COL5A2: variants seen among roughly 807,000 people sequenced by gnomAD.
COL5A2 encodes the protein collagen type V alpha 2 chain.
A neutral mutation model predicts 208.2 loss-of-function variants in COL5A2; 23 were observed. That is an observed-to-expected ratio of 0.11 (90% confidence interval 0.08 to 0.16). COL5A2 has a LOEUF of 0.16. COL5A2 is among the 10% of genes least tolerant of loss of function. COL5A2 has a pLI of 1.00. For synonymous variants in COL5A2, 625 were observed against 628.5 expected (o/e 0.99, Z 0.08); for missense variants, 1,590 against 1,956.4 (o/e 0.81, Z 3.53).
At chr2:189,415,827 T>A in the COL5A2 span, among the ~76,000 whole-genome samples, 4 of 151,992 alleles carry the variant, frequency 2.6e-5, no homozygotes, top group East Asian at 7.7e-4. Context: ...ACCCAGCTAA[T>A]TTTTTTGTAT....
chr2:189,400,358 T>C, the COL5A2 span, among the ~76,000 whole-genome samples: 1 of 152,216 alleles, frequency 6.6e-6, no homozygotes, highest in Non-Finnish European at 1.5e-5. Context: ...CTTTTCTACA[T>C]GTTTCTTTTA....
At chr2:189,253,531 G>A in the COL5A2 span, among the ~76,000 whole-genome samples, 3 of 152,236 alleles carry the variant, frequency 2.0e-5, no homozygotes, top group Non-Finnish European at 4.4e-5. Flanking sequence ...AGCTTTGTGT[G>A]TCTTCGAATT....
intron 1 of COL5A2, among the ~76,000 whole-genome samples, chr2:189,151,372 T>C (rs1688138255): frequency 6.6e-6 from 1 of 152,122 alleles, no homozygotes; most frequent in Non-Finnish European, 1.5e-5. Context: ...TAATGACAAA[T>C]GAAGCAATCT....
At chr2:189,413,881 TC>T in the COL5A2 span, among the ~76,000 whole-genome samples, 1 of 132,972 alleles carries the variant, frequency 7.5e-6, no homozygotes, top group African/African-American at 2.7e-5. Flanking sequence ...AACCTCCGCA[TC>T]CCGGGTTCAA....
At chr2:189,423,876 T>C in the COL5A2 span, among the ~76,000 whole-genome samples, 1 of 150,950 alleles carries the variant, frequency 6.6e-6, no homozygotes, top group East Asian at 1.9e-4. Flanking sequence ...GAGACTAGCA[T>C]ACCAAATCAG....
the COL5A2 span, among the ~76,000 whole-genome samples, chr2:189,384,600 T>G: frequency 6.6e-6 from 1 of 152,154 alleles, no homozygotes; most frequent in Non-Finnish European, 1.5e-5. Context: ...AATCAGGTAT[T>G]TTTTTGCTAT....
rs575752358 is a variant in COL5A2, at chr2:189,151,905, A to G, written c.97+27603T>C. Among the ~76,000 whole-genome samples the G allele has an allele frequency of 3.5e-4, 53 of 152,328 alleles. No individual in the cohort carries two copies. The South Asian group carries it at 0.011, about 31-fold the overall frequency. Reference sequence around the variant, plus strand: ...CACATAACTATAGAGTTCACTTCAAAGTGTACTGTTGGGTCTAAGACCCCA... The same window carrying G: ...CACATAACTATAGAGTTCACTTCAAGGTGTACTGTTGGGTCTAAGACCCCA... On this transcript the variant is annotated intron_variant, in intron 1 of 53. Coordinates refer to ENST00000374866, the MANE Select transcript of COL5A2 (RefSeq NM_000393.5).
chr2:189,395,189 T>C, the COL5A2 span, among the ~76,000 whole-genome samples: 405 of 152,356 alleles, frequency 2.7e-3, no homozygotes, highest in African/African-American at 9.2e-3. Context: ...AATTTCTGTG[T>C]CACACTTTAT....
chr2:189,133,294 TA>T (rs1168177777), intron 1 of COL5A2, among the ~76,000 whole-genome samples: 5 of 52,372 alleles, frequency 9.5e-5, no homozygotes, highest in Non-Finnish European at 3.5e-4. Context: ...TAATTTTTTG[TA>T]TTTTTAGTAG....
chr2:189,043,275 G>A lies in COL5A2; in HGVS notation c.3364-17C>T, dbSNP rs201720941. The A allele has an allele frequency of 6.1e-4, 952 of 1,565,118 alleles. 3 individuals are homozygous for A. The Middle Eastern group carries it at 0.011, about 18-fold the overall frequency. On this transcript the variant is annotated splice_polypyrimidine_tract_variant and intron_variant, in intron 47 of 53. Coordinates refer to ENST00000374866, the MANE Select transcript of COL5A2 (RefSeq NM_000393.5). ...TTGGGGTCCCTAGAAATAGAGATAT[G>A]GCATGAAAATTACTTGCTACATATT... is the stretch of plus-strand genomic sequence containing the variant.
the COL5A2 span, among the ~76,000 whole-genome samples, chr2:189,367,774 G>A: frequency 6.6e-6 from 1 of 152,166 alleles, no homozygotes; most frequent in Non-Finnish European, 1.5e-5. Context: ...TCATGTGACA[G>A]CAGAAAGAAT....
intron 19 of COL5A2, 73 bp from the exon 20 acceptor site, chr2:189,068,343 GT>G (rs1310111932): frequency 3.5e-5 from 44 of 1,246,880 alleles, no homozygotes; most frequent in Non-Finnish European, 4.8e-5. Context: ...GTATACAGAT[GT>G]CCAGCCATCT....
chr2:189,150,619 C>T (rs943243732), intron 1 of COL5A2, among the ~76,000 whole-genome samples: 1 of 152,104 alleles, frequency 6.6e-6, no homozygotes, highest in Non-Finnish European at 1.5e-5. Flanking sequence ...GATATAACCT[C>T]CTACTCCCAT....
intron 1 of COL5A2, among the ~76,000 whole-genome samples, chr2:189,121,963 C>T (rs567174520): frequency 4.6e-5 from 7 of 152,188 alleles, no homozygotes; most frequent in African/African-American, 1.7e-4. Context: ...CTTAGCACAT[C>T]CACTTATACT....
chr2:189,440,388 T>C, the COL5A2 span, among the ~76,000 whole-genome samples: 2 of 152,268 alleles, frequency 1.3e-5, no homozygotes, highest in South Asian at 2.1e-4. Context: ...CTGTACGTTA[T>C]AGCTGATTGC....
chr2:189,198,641 CA>C (rs1689035684), intron 1 of COL5A2, among the ~76,000 whole-genome samples: 1 of 152,066 alleles, frequency 6.6e-6, no homozygotes, highest in African/African-American at 2.4e-5. Context: ...TCAATGTAAT[CA>C]ATTTCTGGAT....
At chr2:189,360,069 T>C in the COL5A2 span, among the ~76,000 whole-genome samples, 1 of 152,154 alleles carries the variant, frequency 6.6e-6, no homozygotes, top group African/African-American at 2.4e-5. Flanking sequence ...CTAATCTTTA[T>C]TATTTATTTC....
chr2:189,385,247 T>G, the COL5A2 span, among the ~76,000 whole-genome samples: 1 of 152,086 alleles, frequency 6.6e-6, no homozygotes, highest in Non-Finnish European at 1.5e-5. Context: ...TGCCACAAGA[T>G]TCCTAGAACT....
At chr2:189,171,949 G>A (rs1688581511) in intron 1 of COL5A2, among the ~76,000 whole-genome samples, 1 of 152,204 alleles carries the variant, frequency 6.6e-6, no homozygotes, top group African/African-American at 2.4e-5. Context: ...AGAACCTTCA[G>A]AGAGTAGCAT....
Sources: allele counts gnomAD v4.1 joint callset (sites outside exome capture counted in the v4.1 genomes callset), GRCh38; gene constraint gnomAD v4.1.1; transcripts MANE v1.5; gene names NCBI Gene and HGNC (gene_info 2026-07-23, HGNC 2026-07-21).